DAB1: variants seen among roughly 807,000 people sequenced by gnomAD.
The protein encoded by DAB1 is DAB adaptor protein 1, also known as disabled homolog 1.
A neutral mutation model predicts 64.6 loss-of-function variants in DAB1; 15 were observed. The observed-to-expected ratio is 0.23, with a 90% confidence interval of 0.16 to 0.36. The LOEUF is 0.36. Among genes scored for constraint, DAB1 ranks in the 10% least tolerant of loss-of-function variants. The pLI is 1.00. For synonymous variants in DAB1, 235 were observed against 251.9 expected, an observed-to-expected ratio of 0.93 and a Z score of 0.64; for missense variants, 596 against 706.7, an observed-to-expected ratio of 0.84 and a Z score of 1.78.
intron 1 of DAB1, among the ~76,000 whole-genome samples, chr1:57,353,503 G>T (rs1297805497): frequency 2.6e-5 from 4 of 152,116 alleles, no homozygotes; most frequent in African/African-American, 9.7e-5. Context: ...ATCAATGTTG[G>T]TGAAATAAAT....
At chr1:57,081,422 T>C (rs552458988) in intron 4 of DAB1, among the ~76,000 whole-genome samples, 2 of 152,158 alleles carry the variant, frequency 1.3e-5, no homozygotes, top group Non-Finnish European at 2.9e-5. Flanking sequence ...TTGCAGTGGC[T>C]AAAGGATGAT....
At position 58,182,970 on chromosome 1, in the gene DAB1, TTTA is replaced by T. The variant is rs1656878384; in HGVS notation, n.310-32385_310-32383del. On this transcript the variant is annotated intron_variant and non_coding_transcript_variant, in intron 4 of 20. Transcript: ENST00000485760. Reference sequence around the variant, plus strand: ...AGAAGTTGTCATTATTTCTAGGATTTTTATTGTTGTTGTTTTGTTCAGTGACTT... The same window carrying T: ...AGAAGTTGTCATTATTTCTAGGATTTTTGTTGTTGTTTTGTTCAGTGACTT... Among the ~76,000 whole-genome samples the T allele has an allele frequency of 2.6e-5, 4 of 152,010 alleles. No homozygotes were observed. In the South Asian group the frequency reaches 8.3e-4, roughly 31 times the overall value.
At chr1:58,334,248 G>A (rs1376303116) in intron 4 of DAB1, among the ~76,000 whole-genome samples, 4 of 152,084 alleles carry the variant, frequency 2.6e-5, no homozygotes, top group African/African-American at 9.7e-5. Context: ...ACAACAGCAT[G>A]TCCTAAACAT....
chr1:57,842,536 A>G (rs1194392431), intron 1 of DAB1, among the ~76,000 whole-genome samples: 1 of 152,240 alleles, frequency 6.6e-6, no homozygotes, highest in African/African-American at 2.4e-5. Flanking sequence ...GAATGAAAAA[A>G]AAAGTCTAAT....
intron 4 of DAB1, among the ~76,000 whole-genome samples, chr1:58,179,490 T>C (rs951541265): frequency 6.6e-6 from 1 of 152,152 alleles, no homozygotes; most frequent in African/African-American, 2.4e-5. Flanking sequence ...CAGAAAATCT[T>C]TAATTACTAA....
At chr1:57,531,260 G>T (rs1644659738) in intron 7 of DAB1, among the ~76,000 whole-genome samples, 1 of 152,056 alleles carries the variant, frequency 6.6e-6, no homozygotes, top group African/African-American at 2.4e-5. Context: ...TGGCTCAGAA[G>T]CTCCCTCACT....
intron 3 of DAB1, among the ~76,000 whole-genome samples, chr1:58,390,296 A>G (rs1181842118): frequency 1.4e-5 from 2 of 145,198 alleles, no homozygotes; most frequent in Non-Finnish European, 3.0e-5. Flanking sequence ...TTTGCTAGCC[A>G]AGGCCTCTCA....
chr1:57,746,225 G>A (rs1376550011), intron 6 of DAB1, among the ~76,000 whole-genome samples: 1 of 152,118 alleles, frequency 6.6e-6, no homozygotes, highest in Admixed American at 6.5e-5. Context: ...GTATATATCT[G>A]TATGTGTGTA....
At chr1:58,497,713 G>A (rs1354370981) in intron 3 of DAB1, among the ~76,000 whole-genome samples, 1 of 152,112 alleles carries the variant, frequency 6.6e-6, no homozygotes, top group Non-Finnish European at 1.5e-5. Flanking sequence ...AGAGAAGGAT[G>A]ACTCTAAATC....
chr1:57,364,117 C>T (rs939286621), intron 1 of DAB1, among the ~76,000 whole-genome samples: 1 of 152,160 alleles, frequency 6.6e-6, no homozygotes, highest in Admixed American at 6.5e-5. Context: ...GAGGCTCTCA[C>T]TGCTGAAGAG....
intron 5 of DAB1, among the ~76,000 whole-genome samples, chr1:57,912,753 T>C (rs1486478806): frequency 6.6e-6 from 1 of 152,148 alleles, no homozygotes; most frequent in African/African-American, 2.4e-5. Flanking sequence ...AGTCTCAGGA[T>C]ACAAAATCAA....
intron 3 of DAB1, among the ~76,000 whole-genome samples, chr1:58,397,052 G>C (rs933675584): frequency 3.4e-5 from 5 of 148,244 alleles, no homozygotes; most frequent in African/African-American, 1.3e-4. Context: ...GCGACGGAGC[G>C]AGACTCCGTC....
chr1:58,128,816 C>A (rs1653318666), intron 5 of DAB1, among the ~76,000 whole-genome samples: 1 of 146,298 alleles, frequency 6.8e-6, no homozygotes, highest in African/African-American at 2.6e-5. Flanking sequence ...CCCACTTGAT[C>A]ATGGTGGATA....
chr1:57,401,206 T>C (rs1475408637), intron 1 of DAB1, among the ~76,000 whole-genome samples: 3 of 152,142 alleles, frequency 2.0e-5, no homozygotes, highest in Non-Finnish European at 4.4e-5. Flanking sequence ...AAGAAACGAC[T>C]GAATTTATTT....
At chr1:57,533,542 T>TATATATATATATATATATATATATATAC (rs1298834898) in intron 7 of DAB1, among the ~76,000 whole-genome samples, 5 of 7,292 alleles carry the variant, frequency 6.9e-4, no homozygotes, top group African/African-American at 4.4e-3. Context: ...ATAACAGGTA[T>TATATATATATATATATATATATATATAC]ATATATATAT....
intron 7 of DAB1, among the ~76,000 whole-genome samples, chr1:57,563,737 G>C (rs962423460): frequency 1.3e-5 from 2 of 152,184 alleles, no homozygotes; most frequent in African/African-American, 2.4e-5. Context: ...CAGCAAGGCT[G>C]GGGGAGGGGC....
intron 4 of DAB1, among the ~76,000 whole-genome samples, chr1:58,223,017 A>G (rs1025823370): frequency 6.6e-6 from 1 of 152,124 alleles, no homozygotes. Context: ...GAGACTCCCC[A>G]TAGCACTTAC....
chr1:57,935,995 T>C (rs1370465860), intron 5 of DAB1, among the ~76,000 whole-genome samples: 1 of 152,240 alleles, frequency 6.6e-6, no homozygotes, highest in Admixed American at 6.5e-5. Flanking sequence ...GCTTCATATC[T>C]ATCCTGAAGT....
intron 5 of DAB1, chr1:58,056,524 T>C (rs1218426626): frequency 2.9e-6 from 3 of 1,030,676 alleles, no homozygotes; most frequent in Non-Finnish European, 3.0e-6. Context: ...ATTCTTAATG[T>C]TGGGTTATGT....
Sources: allele counts gnomAD v4.1 joint callset (sites outside exome capture counted in the v4.1 genomes callset), GRCh38; gene constraint gnomAD v4.1.1; transcripts MANE v1.5; gene names NCBI Gene and HGNC (gene_info 2026-07-23, HGNC 2026-07-21).